MPP7: variants seen among roughly 807,000 people sequenced by gnomAD.
MPP7 encodes MAGUK p55 scaffold protein 7.
A neutral mutation model predicts 76.5 loss-of-function variants in MPP7; 60 were observed. The observed-to-expected ratio is 0.78, with a 90% confidence interval of 0.64 to 0.97. The LOEUF is 0.97. Ranked by LOEUF, MPP7 falls within the 50% of genes least tolerant of loss-of-function variation. MPP7 has a pLI of 0.00. For missense variants in MPP7, 641 were observed against 694.0 expected (o/e 0.92, Z 0.86); for synonymous variants, 237 against 244.5 (o/e 0.97, Z 0.29).
At chr10:28,077,299 T>C (rs1040654850) in intron 12 of MPP7, among the ~76,000 whole-genome samples, 8 of 152,132 alleles carry the variant, frequency 5.3e-5, no homozygotes, top group African/African-American at 1.9e-4. Context: ...ATGACTTTAT[T>C]TGGAAAATTT....
At chr10:28,120,797 G>A (rs1336788027) in intron 8 of MPP7, 129 bp from the exon 9 acceptor site, 13 of 588,158 alleles carry the variant, frequency 2.2e-5, no homozygotes, top group African/African-American at 5.7e-5. Flanking sequence ...TAGACTAAAC[G>A]GAGGAAACTA....
chr10:28,166,023 C>A (rs1237165016), intron 3 of MPP7, among the ~76,000 whole-genome samples: 284 of 99,772 alleles, frequency 2.8e-3, no homozygotes, highest in Middle Eastern at 5.4e-3. Flanking sequence ...AGACTCATCT[C>A]AAAAAAAAAA....
upstream of MPP7, among the ~76,000 whole-genome samples, chr10:28,304,172 A>T (rs917342887): frequency 1.3e-5 from 2 of 152,342 alleles, 1 homozygote. Context: ...AATGACCTGC[A>T]GTTAATATGA....
chr10:28,257,722 G>A (rs1839830127), intron 1 of MPP7, among the ~76,000 whole-genome samples: 1 of 141,926 alleles, frequency 7.0e-6, no homozygotes. Context: ...AAGTGCACAT[G>A]TACCCTAAAA....
intron 2 of MPP7, chr10:28,202,830 CA>C (rs1321586331): frequency 1.7e-3 from 237 of 137,526 alleles, no homozygotes; most frequent in Middle Eastern, 3.6e-3. Context: ...AGTCAACTAT[CA>C]AAAAAAAAAA....
At chr10:28,178,645 C>T (rs1477190847) in intron 3 of MPP7, among the ~76,000 whole-genome samples, 1 of 152,016 alleles carries the variant, frequency 6.6e-6, no homozygotes, top group Non-Finnish European at 1.5e-5. Flanking sequence ...AAAGTGGTAC[C>T]TCATTCTTCT....
At chr10:28,241,964 G>A (rs1461981240) in intron 1 of MPP7, among the ~76,000 whole-genome samples, 6 of 152,084 alleles carry the variant, frequency 3.9e-5, no homozygotes, top group African/African-American at 1.4e-4. Context: ...AACTCTTAAT[G>A]CTCCCGTGGC....
chr10:28,128,853 G>A (rs1324288779), intron 6 of MPP7, among the ~76,000 whole-genome samples: 1 of 152,176 alleles, frequency 6.6e-6, no homozygotes, highest in Non-Finnish European at 1.5e-5. Flanking sequence ...CTGGCACATA[G>A]ACGCTTTTTA....
intron 11 of MPP7, among the ~76,000 whole-genome samples, chr10:28,095,222 T>TATATATATATATATACAC (rs775763967): frequency 2.2e-5 from 3 of 136,670 alleles, no homozygotes; most frequent in East Asian, 4.5e-4. Context: ...TATATATATA[T>TATATATATATATATACAC]ACAGAAACAT....
At position 28,264,409 on chromosome 10, in the gene MPP7, T is replaced by G. The variant is rs74129033; in HGVS notation, c.-131-25674A>C. Among the ~76,000 whole-genome samples, 1,200 of 152,128 alleles carry G rather than the reference T, an allele frequency of 7.9e-3. 13 individuals are homozygous for G. The highest frequency in any genetic ancestry group is 0.027 in the African/African-American group (1,122 of 41,502). ...ATAAGGAAAAATGCAAGAAATCTAG[T>G]GCCCAGCCCTGAGACCACAGATCCT... On this transcript the variant is annotated intron_variant, in intron 1 of 16. Transcript: ENST00000683449.
intron 1 of MPP7, among the ~76,000 whole-genome samples, chr10:28,292,903 T>C (rs971093082): frequency 6.6e-6 from 1 of 151,888 alleles, no homozygotes; most frequent in East Asian, 1.9e-4. Context: ...TCTTGACATA[T>C]GATACAGGTA....
intron 3 of MPP7, among the ~76,000 whole-genome samples, chr10:28,170,049 A>G (rs1241385959): frequency 6.6e-6 from 1 of 152,170 alleles, no homozygotes; most frequent in African/African-American, 2.4e-5. Flanking sequence ...AATAATTACT[A>G]TAGATTTCAG....
At chr10:28,154,358 C>T (rs1321954697) in intron 3 of MPP7, among the ~76,000 whole-genome samples, 2 of 152,158 alleles carry the variant, frequency 1.3e-5, no homozygotes, top group Non-Finnish European at 2.9e-5. Context: ...GGAGGCTGTA[C>T]CTTTGCTCAA....
intron 12 of MPP7, among the ~76,000 whole-genome samples, chr10:28,076,117 C>G (rs946608668): frequency 6.6e-6 from 1 of 152,106 alleles, no homozygotes; most frequent in East Asian, 1.9e-4. Context: ...GAACTTGGCT[C>G]TTTATCTTAA....
chr10:28,071,736 G>A (rs967059922), intron 12 of MPP7, among the ~76,000 whole-genome samples: 1 of 152,130 alleles, frequency 6.6e-6, no homozygotes, highest in African/African-American at 2.4e-5. Flanking sequence ...CAAGTCAGAT[G>A]TTTGCACCTA....
chr10:28,327,086 C>G (rs901781347), intron 2 of MPP7, among the ~76,000 whole-genome samples: 18 of 152,094 alleles, frequency 1.2e-4, no homozygotes, highest in Non-Finnish European at 8.8e-5. Context: ...ACCAGCTGCA[C>G]TGAAAAACAC....
intron 2 of MPP7, among the ~76,000 whole-genome samples, chr10:28,219,817 A>G (rs922942633): frequency 1.3e-5 from 2 of 152,178 alleles, no homozygotes; most frequent in Non-Finnish European, 2.9e-5. Flanking sequence ...AAAATAGGAT[A>G]CACCAAGCTT....
Position 28,131,547 on chromosome 10 carries a change from C to G in MPP7, c.447+13G>C, listed in dbSNP as rs1835191246. On this transcript the variant is annotated intron_variant, in intron 6 of 16. Transcript: ENST00000683449. Reference sequence around the variant, plus strand: ...ATCATGGTATCTACTCATATCTGAGCACCAAAACTCACCAGTGGTTCTCTA... The same window carrying G: ...ATCATGGTATCTACTCATATCTGAGGACCAAAACTCACCAGTGGTTCTCTA... 1 of 1,571,550 alleles carries G rather than the reference C, an allele frequency of 6.4e-7. No homozygotes were observed. The highest frequency in any genetic ancestry group is 8.7e-7 in the Non-Finnish European group (1 of 1,154,462).
chr10:28,052,675 T>TA lies in MPP7; in HGVS notation c.*1389dup, dbSNP rs573361180. The TA allele has an allele frequency of 6.6e-6, 1 of 152,494 alleles. No homozygotes were observed. The highest frequency in any genetic ancestry group is 1.5e-5 in the Non-Finnish European group (1 of 68,038). The allele number at this position is 152,494 out of a possible 1,614,324, so 9.4% of individuals were successfully genotyped here. A position where few individuals can be genotyped will look rare whatever the true frequency, so the allele number is the denominator to read the frequency against. On this transcript the variant is annotated 3_prime_UTR_variant, in exon 17 of 17. Transcript: ENST00000683449. ...TTTATGAATAGCCCCGTTTGATATT[T>TA]AAAAAAATATGCCTTTAAAATATTT...
Sources: allele counts gnomAD v4.1 joint callset (sites outside exome capture counted in the v4.1 genomes callset), GRCh38; gene constraint gnomAD v4.1.1; transcripts MANE v1.5; gene names NCBI Gene and HGNC (gene_info 2026-07-23, HGNC 2026-07-21).